CA10: variants seen among roughly 807,000 people sequenced by gnomAD.
The protein encoded by CA10 is carbonic anhydrase 10 (inactive).
Under a neutral mutation model 44.2 loss-of-function variants are expected in CA10, and 14 were observed. The observed-to-expected ratio is 0.32, with a 90% CI of 0.21 to 0.50. The LOEUF is 0.50. Among genes scored for constraint, CA10 ranks in the 20% least tolerant of loss-of-function variants. The pLI, the probability that CA10 is intolerant of heterozygous loss-of-function variation, is 0.99. For missense variants in CA10, 350 were observed against 409.7 expected (o/e 0.85, Z 1.26); for synonymous variants, 159 against 141.6 (o/e 1.12, Z -0.87).
chr17:52,090,718 A>C (rs1221347699), intron 1 of CA10, among the ~76,000 whole-genome samples: 1 of 152,130 alleles, frequency 6.6e-6, no homozygotes, highest in East Asian at 1.9e-4. Context: ...AGGGTTTTTT[A>C]TGCATTCTAG....
intron 7 of CA10, among the ~76,000 whole-genome samples, chr17:51,635,097 G>A (rs1912765137): frequency 6.6e-6 from 1 of 152,176 alleles, no homozygotes. Flanking sequence ...AATAGTCATT[G>A]CAGATGGAAT....
rs576570013 is a variant in CA10, at chr17:51,945,390, T to C, written c.137-14258A>G. On this transcript the variant is annotated intron_variant, in intron 2 of 8. Transcript: ENST00000451037. Reference sequence around the variant, plus strand: ...GAGACCACAGGCTTTCCTGTCTCATTGAAGAAAAACCGAAAACGATGGCAC... The same window carrying C: ...GAGACCACAGGCTTTCCTGTCTCATCGAAGAAAAACCGAAAACGATGGCAC... Among the ~76,000 whole-genome samples, 7 of 152,216 alleles carry C rather than the reference T, an allele frequency of 4.6e-5. No homozygotes were observed. In the South Asian group the frequency reaches 1.0e-3, roughly 23 times the overall value.
intron 1 of CA10, among the ~76,000 whole-genome samples, chr17:52,091,463 C>T (rs1988264094): frequency 6.6e-6 from 1 of 152,132 alleles, no homozygotes; most frequent in African/African-American, 2.4e-5. Flanking sequence ...AGCAAGAAAG[C>T]CCAAAGGACA....
intron 6 of CA10, among the ~76,000 whole-genome samples, chr17:51,639,282 T>C (rs1912975685): frequency 1.3e-5 from 2 of 152,168 alleles, no homozygotes; most frequent in South Asian, 4.1e-4. Context: ...GCTGTTATTA[T>C]TGCATTTTAT....
chr17:52,115,452 A>C (rs1988873206), intron 1 of CA10, among the ~76,000 whole-genome samples: 1 of 152,090 alleles, frequency 6.6e-6, no homozygotes, highest in Non-Finnish European at 1.5e-5. Flanking sequence ...ATTTCTTCTA[A>C]AGGTAGAAAA....
chr17:51,894,483 C>A (rs916371381), intron 3 of CA10, among the ~76,000 whole-genome samples: 1 of 152,062 alleles, frequency 6.6e-6, no homozygotes, highest in African/African-American at 2.4e-5. Context: ...CTTCCCAGTG[C>A]CCCAATCCCT....
At chr17:52,045,109 A>G (rs1318380878) in intron 2 of CA10, among the ~76,000 whole-genome samples, 1 of 151,924 alleles carries the variant, frequency 6.6e-6, no homozygotes, top group Non-Finnish European at 1.5e-5. Context: ...CAAAGGTAAG[A>G]ATGCTAGTAA....
intron 1 of CA10, among the ~76,000 whole-genome samples, chr17:52,117,271 C>T (rs1399774441): frequency 3.9e-5 from 6 of 152,156 alleles, no homozygotes; most frequent in South Asian, 2.1e-4. Context: ...AAAGACACCA[C>T]GGATTCCATT....
intron 3 of CA10, among the ~76,000 whole-genome samples, chr17:51,829,151 T>C (rs1908136891): frequency 6.6e-6 from 1 of 152,160 alleles, no homozygotes; most frequent in African/African-American, 2.4e-5. Context: ...ATGCCTAAAA[T>C]ATGTACTGTT....
chr17:51,748,481 C>A, intron 3 of CA10: 1 of 985,458 alleles, frequency 1.0e-6, no homozygotes, highest in Non-Finnish European at 1.2e-6. Context: ...AACATGACTG[C>A]TTGGCATTCC....
intron 1 of CA10, among the ~76,000 whole-genome samples, chr17:52,140,648 T>G (rs1989458333): frequency 6.6e-6 from 1 of 152,198 alleles, no homozygotes; most frequent in Non-Finnish European, 1.5e-5. Flanking sequence ...TGCTCTAGAG[T>G]TCCAAAGAGG....
chr17:51,831,820 A>G (rs1028860014), intron 3 of CA10, among the ~76,000 whole-genome samples: 1 of 152,102 alleles, frequency 6.6e-6, no homozygotes, highest in African/African-American at 2.4e-5. Flanking sequence ...ACAAGGAAGA[A>G]TGTGATAGTC....
intron 1 of CA10, among the ~76,000 whole-genome samples, chr17:52,088,807 A>G (rs1179363199): frequency 6.6e-6 from 1 of 152,194 alleles, no homozygotes; most frequent in Non-Finnish European, 1.5e-5. Context: ...AAAAGAAAAA[A>G]ACCCTTACAC....
chr17:51,881,004 G>A (rs982500665), intron 3 of CA10, among the ~76,000 whole-genome samples: 5 of 151,942 alleles, frequency 3.3e-5, no homozygotes, highest in African/African-American at 1.2e-4. Flanking sequence ...TTGGGAGGCC[G>A]AGACAGGCGG....
intron 3 of CA10, among the ~76,000 whole-genome samples, chr17:51,835,577 G>C (rs113225579): frequency 1.3e-5 from 2 of 152,150 alleles, no homozygotes; most frequent in East Asian, 3.8e-4. Flanking sequence ...TCTAAGAAAG[G>C]CGTTGTTATC....
chr17:51,980,320 G>A (rs1053126933), intron 2 of CA10, among the ~76,000 whole-genome samples: 2 of 152,046 alleles, frequency 1.3e-5, no homozygotes, highest in African/African-American at 2.4e-5. Context: ...TTGGCTGTAT[G>A]TGTGTCTTCT....
intron 1 of CA10, among the ~76,000 whole-genome samples, chr17:52,107,010 A>G (rs957488303): frequency 6.6e-6 from 1 of 152,188 alleles, no homozygotes; most frequent in Non-Finnish European, 1.5e-5. Context: ...TCTGTTTTTG[A>G]ATATTCTGCT....
chr17:51,928,153 C>CA (rs925664185), intron 3 of CA10, among the ~76,000 whole-genome samples: 1 of 151,952 alleles, frequency 6.6e-6, no homozygotes, highest in African/African-American at 2.4e-5. Flanking sequence ...CAAGTCGAAA[C>CA]AAAAAATTCA....
intron 2 of CA10, among the ~76,000 whole-genome samples, chr17:52,019,070 C>A (rs1986057212): frequency 6.6e-6 from 1 of 152,100 alleles, no homozygotes; most frequent in African/African-American, 2.4e-5. Context: ...GGGGCCATCA[C>A]CACAAGGAGA....
Sources: gnomAD v4.1 joint callset for allele counts (sites outside exome capture counted in the v4.1 genomes callset) on GRCh38, gnomAD v4.1.1 for gene constraint, MANE v1.5 for transcripts, NCBI Gene and HGNC (gene_info 2026-07-23, HGNC 2026-07-21) for gene names.